The following RGS22 variants were observed in gnomAD, a reference collection of about 807,000 sequenced individuals.
The protein encoded by RGS22 is regulator of G protein signaling 22.
RGS22 carries 148 observed loss-of-function variants against 172.9 expected under a neutral mutation model. That is an observed-to-expected ratio of 0.86 (90% CI 0.75 to 0.98). RGS22 has a LOEUF of 0.98. Among genes scored for constraint, RGS22 ranks in the 50% least tolerant of loss-of-function variants. RGS22 has a pLI of 0.00. For missense variants in RGS22, 1,347 were observed against 1,440.8 expected, an observed-to-expected ratio of 0.93 and a Z score of 1.05; for synonymous variants, 458 against 480.2, an observed-to-expected ratio of 0.95 and a Z score of 0.60.
chr8:100,088,934 AGAG>A (rs1812355497), intron 3 of RGS22, among the ~76,000 whole-genome samples: 1 of 152,054 alleles, frequency 6.6e-6, no homozygotes, highest in Admixed American at 6.6e-5. Flanking sequence ...GACTGAGGGT[AGAG>A]GTGGGTGAAG....
intron 2 of RGS22, among the ~76,000 whole-genome samples, chr8:100,104,792 G>A (rs1458715711): frequency 6.6e-6 from 1 of 152,190 alleles, no homozygotes; most frequent in African/African-American, 2.4e-5. Flanking sequence ...ATTAGGCTCT[G>A]ACAGCTCCTA....
In RGS22 at chr8:100,063,707, T is replaced by C. The variant is rs1344113197; in HGVS notation, c.1061A>G (p.Asp354Gly). ...NFNNITKVSFDDCFESIHGKN... is the reference protein window; with the variant it reads ...NFNNITKVSFGDCFESIHGKN... ...GCCATGAATAGACTCAAAACAATCA[T>C]CAAATGACACTTTTGTTATATTGTT... is the stretch of plus-strand genomic sequence containing the variant. Residue 354 changes from aspartate (D) to glycine (G), a missense_variant, in exon 8 of 28, where the codon GAT becomes GGT. Asp to Gly is a moderately conservative substitution (Grantham distance 94, BLOSUM62 -1). Coordinates refer to ENST00000360863, the MANE Select transcript of RGS22 (RefSeq NM_015668.5). 1 of 1,613,898 alleles carries C rather than the reference T, an allele frequency of 6.2e-7. No individual in the cohort carries two copies. Among genetic ancestry groups the C allele is most frequent in the African/African-American group, 1.3e-5 (1 of 74,942 alleles).
At chr8:100,006,995 G>C (rs1815796908) in intron 15 of RGS22, among the ~76,000 whole-genome samples, 1 of 151,874 alleles carries the variant, frequency 6.6e-6, no homozygotes, top group South Asian at 2.1e-4. Flanking sequence ...TGACTGGAGA[G>C]AATTTTTTAA....
In RGS22 at chr8:100,021,500, A is replaced by G. The variant is rs552964151; in HGVS notation, c.2167-12931T>C. Reference sequence around the variant, plus strand: ...CCTGATGAGAAAGTACAAGGAACATATTTGAAGAGGAAACATTAAAGCATT... The same window carrying G: ...CCTGATGAGAAAGTACAAGGAACATGTTTGAAGAGGAAACATTAAAGCATT... On this transcript the variant is annotated intron_variant, in intron 14 of 27. Transcript: ENST00000360863. Among the ~76,000 whole-genome samples the G allele has an allele frequency of 6.6e-4, 101 of 152,228 alleles. 1 individual carries two copies. The highest frequency in any genetic ancestry group is 1.0e-3 in the Non-Finnish European group (71 of 68,046).
chr8:100,016,622 A>G (rs1816987917), intron 14 of RGS22, among the ~76,000 whole-genome samples: 1 of 151,856 alleles, frequency 6.6e-6, no homozygotes, highest in African/African-American at 2.4e-5. Flanking sequence ...CTAAAAATAC[A>G]AAAAATTAGC....
At chr8:99,984,253 C>A (rs1452890301) in intron 21 of RGS22, among the ~76,000 whole-genome samples, 3 of 152,064 alleles carry the variant, frequency 2.0e-5, no homozygotes, top group Admixed American at 2.0e-4. Flanking sequence ...CACCACTGCA[C>A]TCCAGCCTGG....
intron 13 of RGS22, among the ~76,000 whole-genome samples, chr8:100,039,378 CTTT>C (rs56745564): frequency 3.6e-4 from 44 of 123,376 alleles, no homozygotes; most frequent in Non-Finnish European, 3.0e-4. Context: ...CAGTTAAATA[CTTT>C]TTTTTTTTTT....
In RGS22 at chr8:100,047,610, A is replaced by G. The variant is rs749825705; in HGVS notation, c.1690-14T>C. Reference sequence around the variant, plus strand: ...GAATTCTTCTTTCTAAAAGATGGTAACATAAGCAAGATGAAAATGAGAGAG... The same window carrying G: ...GAATTCTTCTTTCTAAAAGATGGTAGCATAAGCAAGATGAAAATGAGAGAG... On this transcript the variant is annotated splice_polypyrimidine_tract_variant and intron_variant, in intron 10 of 27. Coordinates refer to ENST00000360863, the MANE Select transcript of RGS22 (RefSeq NM_015668.5). The G allele has an allele frequency of 2.5e-6, 4 of 1,599,256 alleles. No homozygotes were observed. Among genetic ancestry groups the G allele is most frequent in the Non-Finnish European group, 3.4e-6 (4 of 1,175,132 alleles).
intron 9 of RGS22, among the ~76,000 whole-genome samples, chr8:100,057,891 G>A (rs1043669202): frequency 6.6e-6 from 1 of 152,062 alleles, no homozygotes; most frequent in African/African-American, 2.4e-5. Flanking sequence ...GACCAATTCT[G>A]GAGAAACAGA....
chr8:100,055,773 C>A (rs1289851712), intron 9 of RGS22, among the ~76,000 whole-genome samples: 1 of 152,156 alleles, frequency 6.6e-6, no homozygotes, highest in Non-Finnish European at 1.5e-5. Flanking sequence ...TGTTTTCTAC[C>A]ATGATTGTGA....
At chr8:100,021,843 A>G (rs990820122) in intron 14 of RGS22, among the ~76,000 whole-genome samples, 1 of 152,184 alleles carries the variant, frequency 6.6e-6, no homozygotes, top group Non-Finnish European at 1.5e-5. Context: ...GTGATACAGG[A>G]TACTTTCAGA....
intron 22 of RGS22, 152 bp downstream of exon 22, chr8:99,981,785 C>A: frequency 1.2e-4 from 38 of 324,676 alleles, no homozygotes; most frequent in Non-Finnish European, 1.4e-4. Context: ...TGGTCTCAAA[C>A]TCCTGAGCTC....
At chr8:99,976,192 GAAATA>G (rs893367481) in intron 23 of RGS22, among the ~76,000 whole-genome samples, 1 of 151,460 alleles carries the variant, frequency 6.6e-6, no homozygotes, top group African/African-American at 2.4e-5. Flanking sequence ...TCCATCTCAA[GAAATA>G]AAATAAAAAA....
At chr8:99,986,084 G>T (rs1317394647) in intron 21 of RGS22, among the ~76,000 whole-genome samples, 3 of 151,726 alleles carry the variant, frequency 2.0e-5, no homozygotes, top group African/African-American at 7.3e-5. Context: ...TTAAAAATTA[G>T]CCAGGCATGG....
intron 14 of RGS22, among the ~76,000 whole-genome samples, chr8:100,025,940 AC>A (rs1267244153): frequency 6.6e-6 from 1 of 151,548 alleles, no homozygotes; most frequent in African/African-American, 2.4e-5. Flanking sequence ...CACATTCTTG[AC>A]CCTTGATAGA....
At chr8:100,051,446 TTATATTA>T (rs1176188957) in intron 10 of RGS22, among the ~76,000 whole-genome samples, 1 of 91,576 alleles carries the variant, frequency 1.1e-5, no homozygotes, top group Non-Finnish European at 2.0e-5. Context: ...ATATATTTAT[TTATATTA>T]TATTATATAT....
At chr8:100,072,345 C>A in intron 4 of RGS22, 115 bp from the exon 5 acceptor site, 3 of 565,794 alleles carry the variant, frequency 5.3e-6, no homozygotes, top group Non-Finnish European at 9.2e-6. Flanking sequence ...AGCCCTACCC[C>A]TAGGTCTTCT....
intron 19 of RGS22, 118 bp from the exon 20 acceptor site, chr8:99,996,648 T>C (rs1475219031): frequency 5.7e-6 from 5 of 875,378 alleles, no homozygotes; most frequent in Middle Eastern, 2.3e-4. Flanking sequence ...GATAGTGAAG[T>C]TTAGGAGAAA....
chr8:100,094,974 TG>T, intron 2 of RGS22, among the ~76,000 whole-genome samples: 1 of 152,328 alleles, frequency 6.6e-6, no homozygotes, highest in East Asian at 1.9e-4. Context: ...TACAATCCCT[TG>T]TTAGTTTTTC....
Sources: allele counts gnomAD v4.1 joint callset (sites outside exome capture counted in the v4.1 genomes callset), GRCh38; gene constraint gnomAD v4.1.1; transcripts MANE v1.5; gene names NCBI Gene and HGNC (gene_info 2026-07-23, HGNC 2026-07-21).